Variants in UGT2B15 observed in about 807,000 individuals in gnomAD.
UGT2B15 encodes the protein UDP-glucuronosyltransferase 2B15.
In UGT2B15, 36 loss-of-function variants were observed where a neutral mutation model predicts 45.9. The ratio of observed to expected loss-of-function variants is 0.78; its 90% CI spans 0.60 to 1.04. UGT2B15 has a LOEUF of 1.04. UGT2B15 is among the 50% of genes least tolerant of loss of function. The pLI is 0.00. For missense variants in UGT2B15, 617 were observed against 622.4 expected (o/e 0.99, Z 0.09); for synonymous variants, 219 against 216.4 (o/e 1.01, Z -0.11).
rs773205180 is a variant in UGT2B15, at chr4:68,670,230, T to A, written c.389A>T (p.Asp130Val). The change falls in exon 1 of 6, where the codon GAT becomes GTT. Residue 130 changes from aspartate to valine, a missense_variant. Transcript: ENST00000338206. ...CATAAGTTTCTTATTCAAAACTGCA[T>A]CTTTACAGAGCTTGTTACTGTAGTC... is the stretch of plus-strand genomic sequence containing the variant. The part of the protein sequence containing the change: ...YYDYSNKLCK[D>V]AVLNKKLMMK... The A allele has an allele frequency of 6.2e-7, 1 of 1,613,970 alleles. No homozygotes were observed. The highest frequency in any genetic ancestry group is 1.7e-5 in the Admixed American group (1 of 59,950).
intron 3 of UGT2B15, among the ~76,000 whole-genome samples, chr4:68,660,805 T>G (rs1732942216): frequency 6.6e-6 from 1 of 151,750 alleles, no homozygotes; most frequent in Non-Finnish European, 1.5e-5. Flanking sequence ...AACTAAGTCA[T>G]GCTTTCATGA....
Position 68,668,031 on chromosome 4 carries a change from T to C in UGT2B15, c.873+9A>G, listed in dbSNP as rs1993282. The C allele has an allele frequency of 1.4e-3, 2,338 of 1,613,334 alleles. 28 individuals are homozygous for C. In the African/African-American group the frequency reaches 0.026, roughly 18 times the overall value. ...GTCAAGCAAACAAATGAAACAAGAA[T>C]ACATTTACCTTAGGCAGGGGTTTGG... On this transcript the variant is annotated intron_variant, in intron 2 of 5. Transcript: ENST00000338206.
chr4:68,658,844 T>G (rs1230486468), intron 3 of UGT2B15, among the ~76,000 whole-genome samples: 2 of 152,092 alleles, frequency 1.3e-5, no homozygotes, highest in African/African-American at 4.8e-5. Flanking sequence ...CAGTGCTTTC[T>G]AAAAGCTATT....
At chr4:68,661,453 G>C (rs541222319) in intron 3 of UGT2B15, among the ~76,000 whole-genome samples, 3 of 151,972 alleles carry the variant, frequency 2.0e-5, no homozygotes, top group Middle Eastern at 6.8e-3. Context: ...TAATAAAAAA[G>C]TAGCAAATTA....
intron 2 of UGT2B15, among the ~76,000 whole-genome samples, chr4:68,666,259 A>G (rs1027691874): frequency 6.6e-6 from 1 of 152,148 alleles, no homozygotes; most frequent in African/African-American, 2.4e-5. Context: ...AAACATTTAC[A>G]TTTAAACAAG....
Position 68,661,561 on chromosome 4 carries a change from T to G in UGT2B15, c.1005+1447A>C, listed in dbSNP as rs1247237756. ...ATTTTTGAGTGATATGAGAAGAGTT[T>G]ACTTATATCCACTTGTCTACTAGTC... On this transcript the variant is annotated intron_variant, in intron 3 of 5. Transcript: ENST00000338206. 4.6e-5 allele frequency among the ~76,000 whole-genome samples: 7 copies of G among 152,092 alleles called. No individual in the cohort carries two copies. In the East Asian group the frequency reaches 1.3e-3, roughly 29 times the overall value.
intron 4 of UGT2B15, 152 bp downstream of exon 4, chr4:68,654,943 C>T (rs1356088932): frequency 1.4e-5 from 14 of 985,588 alleles, no homozygotes; most frequent in Non-Finnish European, 1.7e-5. Flanking sequence ...TCTTTTTATA[C>T]TAAGACTGGA....
intron 2 of UGT2B15, 33 bp downstream of exon 2, chr4:68,668,007 T>C: frequency 6.2e-7 from 1 of 1,610,122 alleles, no homozygotes; most frequent in East Asian, 2.2e-5. Flanking sequence ...TCTGAAAATG[T>C]CAAGCAAACA....
chr4:68,654,957 T>C, intron 4 of UGT2B15, 138 bp downstream of exon 4: 1 of 1,096,252 alleles, frequency 9.1e-7, no homozygotes, highest in African/African-American at 1.6e-5. Context: ...GACTGGAAAA[T>C]AAATATAAAG....
At chr4:68,659,208 T>G (rs372143464) in intron 3 of UGT2B15, among the ~76,000 whole-genome samples, 2 of 152,148 alleles carry the variant, frequency 1.3e-5, no homozygotes, top group East Asian at 1.9e-4. Context: ...TCTCAAAGAA[T>G]GAAGATTTTT....
rs141576110 is a variant in UGT2B15, at chr4:68,668,084, A to C, written c.829T>G (p.Phe277Val). ...GGTTTACAGTGAAGTCCTCCAACAA[A>C]ATCAACATTTGGTAAGAATGGGCGA... ...FPRPFLPNVDFVGGLHCKPAK... is the reference protein window; with the variant it reads ...FPRPFLPNVDVVGGLHCKPAK... The change falls in exon 2 of 6, where the codon TTT becomes GTT. Residue 277 changes from phenylalanine to valine, a missense_variant. Phe to Val is a conservative substitution (Grantham distance 50). Transcript: ENST00000338206. 5.4e-4 allele frequency: 867 copies of C among 1,613,984 alleles called. 6 individuals are homozygous for C. The African/African-American group carries it at 0.01, about 19-fold the overall frequency.
At position 68,654,034 on chromosome 4, in the gene UGT2B15, C is replaced by T; in HGVS notation, c.1313+3G>A. The T allele has an allele frequency of 6.2e-7, 1 of 1,612,632 alleles. No homozygotes were observed. The highest frequency in any genetic ancestry group is 8.5e-7 in the Non-Finnish European group (1 of 1,178,946). ...CACCTGGTCACAAAACTGTAATACT[C>T]ACACAGGGTCATTAATGACTGACTT... On this transcript the variant is annotated splice_donor_region_variant and intron_variant, in intron 5 of 5. Transcript: ENST00000338206.
intron 2 of UGT2B15, among the ~76,000 whole-genome samples, chr4:68,664,648 C>T (rs1733067515): frequency 6.6e-6 from 1 of 151,752 alleles, no homozygotes; most frequent in African/African-American, 2.4e-5. Context: ...CTCATTGCAA[C>T]CTCTGCCTCC....
intron 5 of UGT2B15, among the ~76,000 whole-genome samples, chr4:68,651,465 T>C (rs1290395352): frequency 1.3e-5 from 2 of 151,968 alleles, no homozygotes; most frequent in Non-Finnish European, 2.9e-5. Context: ...TGGTTGTAGA[T>C]GTGTGGTGTT....
Position 68,647,504 on chromosome 4 carries a change from G to A in UGT2B15, c.1314-121C>T, listed in dbSNP as rs149238938. 534 of 1,200,998 alleles carry A rather than the reference G, an allele frequency of 4.4e-4. 5 individuals are homozygous for A. The African/African-American group carries it at 5.7e-3, about 13-fold the overall frequency. 74.4% of individuals were successfully genotyped at this position (1,200,998 alleles called of 1,614,324 possible). A position where few individuals can be genotyped will look rare whatever the true frequency, so the allele number is the denominator to read the frequency against. ...GATTGAAAGTAAGTGTCACTGAATT[G>A]GCATGAAATTTCAATGTTTTAATTC... On this transcript the variant is annotated intron_variant, in intron 5 of 5. Coordinates refer to ENST00000338206, the MANE Select transcript of UGT2B15 (RefSeq NM_001076.4).
At chr4:68,653,105 A>C (rs1183868412) in intron 5 of UGT2B15, among the ~76,000 whole-genome samples, 2 of 152,082 alleles carry the variant, frequency 1.3e-5, no homozygotes, top group African/African-American at 2.4e-5. Flanking sequence ...ACAGTTTAGC[A>C]GTTCTTCATA....
At chr4:68,666,682 T>G (rs1733129514) in intron 2 of UGT2B15, among the ~76,000 whole-genome samples, 1 of 150,932 alleles carries the variant, frequency 6.6e-6, no homozygotes, top group Admixed American at 6.6e-5. Context: ...TTCTTAACTC[T>G]TTTCACTCTT....
rs765858112 is a variant in UGT2B15 at position 68,670,496 on chromosome 4, T to A, written c.123A>T (p.Thr41=). The A allele has an allele frequency of 1.2e-6, 2 of 1,614,054 alleles. No individual in the cohort carries two copies. Among genetic ancestry groups the A allele is most frequent in the Non-Finnish European group, 1.7e-6 (2 of 1,179,996 alleles). Residue 41 remains threonine (T), a synonymous_variant, in exon 1 of 6, where the codon ACA becomes ACT. Coordinates refer to ENST00000338206, the MANE Select transcript of UGT2B15 (RefSeq NM_001076.4). ...CCCTCTGAACAAGCTCTTCCAGGAT[T>A]GTCTTCATATTTATCCAATGGCTGT... is the stretch of plus-strand genomic sequence containing the variant. The part of the protein sequence containing the change: ...TEYSHWINMK[T]ILEELVQRGH...
Position 68,670,342 on chromosome 4 carries a change from T to C in UGT2B15, c.277A>G (p.Ile93Val). The C allele has an allele frequency of 2.5e-6, 4 of 1,613,522 alleles. No homozygotes were observed. The highest frequency in any genetic ancestry group is 2.5e-6 in the Non-Finnish European group (3 of 1,179,882). The change falls in exon 1 of 6, where the codon ATT becomes GTT. Residue 93 changes from isoleucine (I) to valine (V), a missense_variant. Ile to Val is a conservative substitution (Grantham distance 29, BLOSUM62 3). Transcript: ENST00000338206. ...ACACCATATATCCATCTATCGAGAA[T>C]TTTCAGAAGAGAATCTTCCAAATAA... The part of the protein sequence containing the change: ...KNYLEDSLLK[I>V]LDRWIYGVSK...
Sources: allele counts gnomAD v4.1 joint callset (sites outside exome capture counted in the v4.1 genomes callset), GRCh38; gene constraint gnomAD v4.1.1; transcripts MANE v1.5; gene names NCBI Gene and HGNC (gene_info 2026-07-23, HGNC 2026-07-21).